Variants in KCNIP4 observed in about 807,000 individuals in gnomAD.
KCNIP4 encodes potassium voltage-gated channel interacting protein 4.
KCNIP4 carries 12 observed loss-of-function variants against 34.0 expected under a neutral mutation model. The ratio of observed to expected loss-of-function variants is 0.35; its 90% confidence interval spans 0.23 to 0.57. KCNIP4 has a LOEUF of 0.57. KCNIP4 is among the 20% of genes least tolerant of loss of function. KCNIP4 has a pLI of 0.83. For missense variants in KCNIP4, 238 were observed against 311.7 expected, an observed-to-expected ratio of 0.76 and a Z score of 1.78; for synonymous variants, 124 against 102.2, an observed-to-expected ratio of 1.21 and a Z score of -1.29.
intron 1 of KCNIP4, among the ~76,000 whole-genome samples, chr4:21,195,196 T>C (rs1755968588): frequency 6.6e-6 from 1 of 152,212 alleles, no homozygotes; most frequent in Admixed American, 6.5e-5. Flanking sequence ...CTTCAGGAGC[T>C]GTGGGCATCA....
intron 1 of KCNIP4, among the ~76,000 whole-genome samples, chr4:21,220,946 GT>G (rs1395881512): frequency 6.6e-6 from 1 of 152,118 alleles, no homozygotes; most frequent in Non-Finnish European, 1.5e-5. Context: ...AGGGATGAAA[GT>G]TTATGAAGGC....
At chr4:21,361,734 A>G (rs1719247984) in intron 1 of KCNIP4, among the ~76,000 whole-genome samples, 1 of 151,872 alleles carries the variant, frequency 6.6e-6, no homozygotes, top group African/African-American at 2.4e-5. Flanking sequence ...CAAGAATCAC[A>G]AAGAGAAAAA....
intron 1 of KCNIP4, among the ~76,000 whole-genome samples, chr4:21,737,540 C>T (rs113786790): frequency 0.012 from 1,837 of 152,168 alleles, 39 homozygotes; most frequent in African/African-American, 0.041. Context: ...CATTTATTAA[C>T]GGCTACACAG....
intron 1 of KCNIP4, among the ~76,000 whole-genome samples, chr4:21,445,323 G>C (rs191861248): frequency 6.6e-6 from 1 of 152,040 alleles, no homozygotes; most frequent in Non-Finnish European, 1.5e-5. Flanking sequence ...CAAGTTAATC[G>C]TAAGCCAAAA....
At chr4:20,861,276 A>C (rs1038160852) in intron 2 of KCNIP4, among the ~76,000 whole-genome samples, 7 of 152,220 alleles carry the variant, frequency 4.6e-5, no homozygotes, top group African/African-American at 1.7e-4. Flanking sequence ...GCAAGAATGC[A>C]GAGGTCTGGG....
At chr4:21,040,161 G>A (rs1211134888) in intron 1 of KCNIP4, among the ~76,000 whole-genome samples, 1 of 152,130 alleles carries the variant, frequency 6.6e-6, no homozygotes, top group Non-Finnish European at 1.5e-5. Flanking sequence ...TGGACATATG[G>A]TACAATTCAA....
chr4:21,514,211 C>A (rs1298460538), intron 1 of KCNIP4, among the ~76,000 whole-genome samples: 2 of 152,074 alleles, frequency 1.3e-5, no homozygotes, highest in Non-Finnish European at 2.9e-5. Flanking sequence ...TACAAATGAA[C>A]CATTTGGGTA....
At chr4:20,898,882 G>A (rs183095088) in intron 1 of KCNIP4, among the ~76,000 whole-genome samples, 1 of 152,162 alleles carries the variant, frequency 6.6e-6, no homozygotes, top group East Asian at 1.9e-4. Context: ...TTTTACATAT[G>A]TTATCACTCA....
chr4:21,641,569 T>C (rs1157409433), intron 1 of KCNIP4, among the ~76,000 whole-genome samples: 2 of 152,066 alleles, frequency 1.3e-5, no homozygotes, highest in South Asian at 2.1e-4. Flanking sequence ...TCAAGGAAGT[T>C]TGGGGATGAG....
chr4:21,469,145 G>A (rs1402410229), intron 1 of KCNIP4, among the ~76,000 whole-genome samples: 1 of 151,900 alleles, frequency 6.6e-6, no homozygotes, highest in Non-Finnish European at 1.5e-5. Context: ...TCTCACTATA[G>A]CCTTAACCTC....
chr4:21,726,644 TCTC>T (rs1248173818), intron 1 of KCNIP4, among the ~76,000 whole-genome samples: 9 of 152,174 alleles, frequency 5.9e-5, no homozygotes, highest in African/African-American at 2.2e-4. Context: ...AATACCCTTA[TCTC>T]CTCATGTTTT....
intron 1 of KCNIP4, among the ~76,000 whole-genome samples, chr4:20,908,073 C>T (rs1353856620): frequency 6.8e-6 from 1 of 147,556 alleles, no homozygotes; most frequent in Non-Finnish European, 1.5e-5. Flanking sequence ...GTCCTCCTAT[C>T]TCTATTGCAG....
At chr4:20,939,692 C>G (rs921894091) in intron 1 of KCNIP4, among the ~76,000 whole-genome samples, 2 of 152,098 alleles carry the variant, frequency 1.3e-5, no homozygotes, top group Non-Finnish European at 2.9e-5. Context: ...ATCTTTTACA[C>G]TAAACAGCAC....
chr4:21,730,756 A>C (rs866895883), intron 1 of KCNIP4, among the ~76,000 whole-genome samples: 1 of 152,206 alleles, frequency 6.6e-6, no homozygotes, highest in Non-Finnish European at 1.5e-5. Flanking sequence ...TCAGGATCAC[A>C]AACTTATACG....
chr4:21,409,283 A>G (rs1724278882), intron 1 of KCNIP4, among the ~76,000 whole-genome samples: 1 of 151,750 alleles, frequency 6.6e-6, no homozygotes, highest in Non-Finnish European at 1.5e-5. Flanking sequence ...ATTAAAAAAA[A>G]AAAACTTCTA....
intron 1 of KCNIP4, among the ~76,000 whole-genome samples, chr4:21,869,783 T>C (rs12054586): frequency 0.72 from 102,749 of 143,506 alleles, 36,232 homozygotes; most frequent in East Asian, 0.79. Context: ...GATAGATAGA[T>C]AGACAGACAG....
chr4:21,282,868 G>A (rs144656762), intron 1 of KCNIP4, among the ~76,000 whole-genome samples: 18 of 152,096 alleles, frequency 1.2e-4, no homozygotes, highest in African/African-American at 3.4e-4. Context: ...CACTTTCAGC[G>A]GTTAAAATAC....
chr4:21,730,382 T>C (rs1187016881), intron 1 of KCNIP4, among the ~76,000 whole-genome samples: 1 of 152,156 alleles, frequency 6.6e-6, no homozygotes, highest in Non-Finnish European at 1.5e-5. Flanking sequence ...TAGTTCCGTG[T>C]TGTGTTTCAC....
chr4:20,955,091 G>A (rs1008753112), intron 1 of KCNIP4, among the ~76,000 whole-genome samples: 2 of 152,174 alleles, frequency 1.3e-5, no homozygotes, highest in Non-Finnish European at 2.9e-5. Context: ...CCTGGGGATG[G>A]AGGGTTCTCG....
Sources: gnomAD v4.1 joint callset for allele counts (sites outside exome capture counted in the v4.1 genomes callset) on GRCh38, gnomAD v4.1.1 for gene constraint, MANE v1.5 for transcripts, NCBI Gene and HGNC (gene_info 2026-07-23, HGNC 2026-07-21) for gene names.